KLHL12: variants seen among roughly 807,000 people sequenced by gnomAD.
KLHL12 encodes the protein kelch like family member 12.
In KLHL12, 17 loss-of-function variants were observed where a neutral mutation model predicts 60.8. That is an observed-to-expected ratio of 0.28 (90% CI 0.19 to 0.42). KLHL12 has a LOEUF of 0.42. KLHL12 is among the 10% of genes least tolerant of loss of function. The probability of loss-of-function intolerance (pLI) is 1.00; values close to 1 mark genes in which losing one functional copy is unlikely to be tolerated. For missense variants in KLHL12, 468 were observed against 722.3 expected (o/e 0.65, Z 4.04); for synonymous variants, 220 against 250.9 (o/e 0.88, Z 1.16).
At position 202,927,112 on chromosome 1, in the gene KLHL12, C is replaced by T. The variant is rs1407473473; in HGVS notation, c.-69G>A. 4 of 985,412 alleles carry T rather than the reference C, an allele frequency of 4.1e-6. No individual in the cohort carries two copies. The highest frequency in any genetic ancestry group is 1.7e-5 in the African/African-American group (1 of 57,246). 61.0% of individuals were successfully genotyped at this position (985,412 alleles called of 1,614,324 possible). A position where few individuals can be genotyped will look rare whatever the true frequency, so the allele number is the denominator to read the frequency against. On this transcript the variant is annotated 5_prime_UTR_variant, in exon 1 of 12. Transcript: ENST00000367261. ...ACCTCCGCTCCCGAACCCACACAGC[C>T]GCACCGGGCCCGTCCCCAGCCTGTG...
intron 6 of KLHL12, among the ~76,000 whole-genome samples, chr1:202,901,509 T>G (rs1399718660): frequency 6.6e-6 from 1 of 151,076 alleles, no homozygotes; most frequent in Admixed American, 6.6e-5. Context: ...ACTATGTTGC[T>G]CAGGCTGGTC....
At chr1:202,894,129 T>C (rs1044494378) in intron 10 of KLHL12, 55 bp downstream of exon 10, 5 of 959,726 alleles carry the variant, frequency 5.2e-6, no homozygotes, top group Non-Finnish European at 6.5e-6. Flanking sequence ...CACCATTATA[T>C]ATGTAAAGGT....
chr1:202,904,604 A>G (rs1430784213), intron 6 of KLHL12, among the ~76,000 whole-genome samples: 5 of 152,310 alleles, frequency 3.3e-5, no homozygotes, highest in African/African-American at 1.2e-4. Flanking sequence ...TGAGATTTTT[A>G]TCTTTTTAAT....
At chr1:202,894,099 C>A in intron 10 of KLHL12, 85 bp downstream of exon 10, 2 of 716,978 alleles carry the variant, frequency 2.8e-6, no homozygotes, top group South Asian at 1.8e-5. Flanking sequence ...TTACATTAAT[C>A]TACGGTTTGT....
In KLHL12 at chr1:202,924,866, T is replaced by C. The variant is rs575796868; in HGVS notation, c.195+102A>G. Reference sequence around the variant, plus strand: ...CAGAATCTGCCAAAACATCACACTGTAAAAATTCAAAATTATATCAAACTT... The same window carrying C: ...CAGAATCTGCCAAAACATCACACTGCAAAAATTCAAAATTATATCAAACTT... On this transcript the variant is annotated intron_variant, in intron 2 of 11. Transcript: ENST00000367261. The C allele has an allele frequency of 2.8e-5, 40 of 1,417,222 alleles. No individual in the cohort carries two copies. In the African/African-American group the frequency reaches 5.0e-4, roughly 18 times the overall value. 87.8% of individuals were successfully genotyped at this position (1,417,222 alleles called of 1,614,324 possible).
intron 3 of KLHL12, among the ~76,000 whole-genome samples, chr1:202,919,096 T>G (rs1455083764): frequency 3.3e-5 from 5 of 151,994 alleles, no homozygotes; most frequent in Admixed American, 6.5e-5. Context: ...CACAAAAAAA[T>G]TTTGTTTTAA....
intron 2 of KLHL12, among the ~76,000 whole-genome samples, chr1:202,920,428 G>C (rs1363521462): frequency 8.5e-6 from 1 of 117,088 alleles, no homozygotes; most frequent in Non-Finnish European, 1.6e-5. Flanking sequence ...CCAGGCTGGA[G>C]TGCAGTGGTG....
intron 6 of KLHL12, among the ~76,000 whole-genome samples, chr1:202,897,228 CTTTTTTT>C (rs11305071): frequency 2.6e-4 from 21 of 82,280 alleles, no homozygotes; most frequent in South Asian, 4.4e-4. Context: ...ATTTCTTTTT[CTTTTTTT>C]TTTTTTTTTT....
chr1:202,926,013 G>A (rs1653531043), intron 1 of KLHL12, among the ~76,000 whole-genome samples: 1 of 150,484 alleles, frequency 6.6e-6, no homozygotes, highest in Admixed American at 6.7e-5. Context: ...GCTGAGGCCC[G>A]AGAATCACTT....
chr1:202,897,259 GAGTTTCGCTCTTGTTGACCAGGCTAGAA>G (rs1659869930), intron 6 of KLHL12, among the ~76,000 whole-genome samples: 1 of 118,660 alleles, frequency 8.4e-6, no homozygotes. Context: ...TTTGGAGACA[GAGTTTCGCTCTTGTTGACCAGGCTAGAA>G]TGCAATTCCA....
intron 6 of KLHL12, 100 bp from the exon 7 acceptor site, chr1:202,897,060 T>C (rs1211976757): frequency 1.1e-6 from 1 of 899,138 alleles, no homozygotes; most frequent in Non-Finnish European, 1.9e-6. Flanking sequence ...GGATGTCTTG[T>C]TTTATGTGGC....
At chr1:202,924,856 C>A in intron 2 of KLHL12, 112 bp downstream of exon 2, 1 of 1,267,354 alleles carries the variant, frequency 7.9e-7, no homozygotes, top group African/African-American at 1.5e-5. Flanking sequence ...TCTGCCAAAA[C>A]ATCACACTGT....
chr1:202,920,505 T>C (rs57662282), intron 2 of KLHL12, among the ~76,000 whole-genome samples: 3,775 of 145,598 alleles, frequency 0.026, 167 homozygotes, highest in African/African-American at 0.091. Context: ...GCCTCCCGAG[T>C]AGTTTGGACT....
chr1:202,897,705 C>T (rs1423622656), intron 6 of KLHL12, among the ~76,000 whole-genome samples: 6 of 152,130 alleles, frequency 3.9e-5, no homozygotes, highest in Admixed American at 3.3e-4. Context: ...CATGTTGAAA[C>T]TTAGGATCCA....
intron 2 of KLHL12, among the ~76,000 whole-genome samples, chr1:202,922,233 C>A (rs1219748170): frequency 6.6e-6 from 1 of 152,022 alleles, no homozygotes. Context: ...ATTCTCACAG[C>A]AACCTGGTAA....
At chr1:202,927,997 A>AAT (rs34751045), upstream of KLHL12, among the ~76,000 whole-genome samples, 1 of 105,054 alleles carries the variant, frequency 9.5e-6, no homozygotes, top group Non-Finnish European at 2.0e-5. Context: ...AAAAAAAAAA[A>AAT]GGCCAGGCGA....
intron 2 of KLHL12, among the ~76,000 whole-genome samples, chr1:202,922,353 G>C (rs1322469866): frequency 6.6e-6 from 1 of 151,164 alleles, no homozygotes; most frequent in African/African-American, 2.4e-5. Flanking sequence ...GGATCACAAG[G>C]TCAGGATATC....
At position 202,909,274 on chromosome 1, in the gene KLHL12, G is replaced by A; in HGVS notation, c.718-150C>T. ...CAGGAGTATTGCTGGTAGTAACCAT[G>A]CTCTCGGTTTCCAGAAATGATTTTT... On this transcript the variant is annotated intron_variant, in intron 5 of 11. Transcript: ENST00000367261. This position sits in a 1 kb window ranked among gnomAD's most constrained non-coding sequence, Gnocchi z 4.1. 2.0e-6 allele frequency: 1 copy of A among 502,332 alleles called. No homozygotes were observed. The highest frequency in any genetic ancestry group is 3.3e-5 in the East Asian group (1 of 30,556). 31.1% of individuals were successfully genotyped at this position (502,332 alleles called of 1,614,324 possible).
chr1:202,903,701 C>T (rs1341760207), intron 6 of KLHL12, among the ~76,000 whole-genome samples: 1 of 138,582 alleles, frequency 7.2e-6, no homozygotes, highest in Non-Finnish European at 1.5e-5. Flanking sequence ...TGGCTCACTG[C>T]AACCTCTGCC....
Sources: gnomAD v4.1 joint callset for allele counts (sites outside exome capture counted in the v4.1 genomes callset) on GRCh38, gnomAD v4.1.1 for gene constraint, Gnocchi (gnomAD v3.1) non-coding constraint, MANE v1.5 for transcripts, NCBI Gene and HGNC (gene_info 2026-07-23, HGNC 2026-07-21) for gene names.